The following PRELID2 variants were observed in gnomAD, a reference collection of about 807,000 sequenced individuals.
PRELID2 encodes the protein PRELI domain-containing protein 2.
Under a neutral mutation model 28.4 loss-of-function variants are expected in PRELID2, and 25 were observed. The observed-to-expected ratio is 0.88, with a 90% confidence interval of 0.64 to 1.23. The LOEUF (loss-of-function observed/expected upper bound fraction) is 1.23, where lower values mean the gene tolerates loss of function less well. Ranked by LOEUF, PRELID2 falls within the 50% of genes most tolerant of loss-of-function variation. The probability of loss-of-function intolerance (pLI) is 0.00; values close to 1 mark genes in which losing one functional copy is unlikely to be tolerated. For missense variants in PRELID2, 201 were observed against 214.4 expected, an observed-to-expected ratio of 0.94 and a Z score of 0.39; for synonymous variants, 76 against 71.6, an observed-to-expected ratio of 1.06 and a Z score of -0.31.
chr5:145,415,965 T>A, the PRELID2 span, among the ~76,000 whole-genome samples: 1 of 152,116 alleles, frequency 6.6e-6, no homozygotes, highest in Non-Finnish European at 1.5e-5. Flanking sequence ...TTTTTAATGA[T>A]TGCCATTCTA....
chr5:145,416,693 G>T, the PRELID2 span, among the ~76,000 whole-genome samples: 1 of 152,074 alleles, frequency 6.6e-6, no homozygotes, highest in Non-Finnish European at 1.5e-5. Flanking sequence ...ACAACAAAAA[G>T]CTAGAAAGAT....
At chr5:145,541,669 G>T (rs1374188603) in intron 1 of PRELID2, among the ~76,000 whole-genome samples, 1 of 152,006 alleles carries the variant, frequency 6.6e-6, no homozygotes, top group South Asian at 2.1e-4. Flanking sequence ...AAACTATAAA[G>T]GTAGTTTAAT....
At chr5:145,651,378 A>G (rs1393706649) in intron 1 of PRELID2, among the ~76,000 whole-genome samples, 3 of 152,120 alleles carry the variant, frequency 2.0e-5, no homozygotes, top group East Asian at 1.9e-4. Flanking sequence ...GCAGACTTCA[A>G]TGTCCTCGTC....
At chr5:145,576,377 T>G (rs1464259768) in intron 1 of PRELID2, among the ~76,000 whole-genome samples, 1 of 152,116 alleles carries the variant, frequency 6.6e-6, no homozygotes, top group African/African-American at 2.4e-5. Context: ...CAACATGCGG[T>G]CTTTTGTGTC....
chr5:145,773,834 A>G (rs1335481208), intron 5 of PRELID2, among the ~76,000 whole-genome samples: 1 of 152,250 alleles, frequency 6.6e-6, no homozygotes, highest in African/African-American at 2.4e-5. Flanking sequence ...ATGCTTGTAC[A>G]TTTTATCAAC....
At chr5:145,764,834 G>A in intron 6 of PRELID2, 97 bp downstream of exon 6, 1 of 805,768 alleles carries the variant, frequency 1.2e-6, no homozygotes, top group East Asian at 2.5e-5. Context: ...GAAATGTGCA[G>A]CGTGAATAGC....
the PRELID2 span, among the ~76,000 whole-genome samples, chr5:145,305,762 C>G: frequency 6.6e-6 from 1 of 152,126 alleles, no homozygotes; most frequent in African/African-American, 2.4e-5. Flanking sequence ...CTCTGTCACT[C>G]AGGATCTACC....
Position 145,764,074 on chromosome 5 carries a change from T to C in PRELID2, c.*10+857A>G, listed in dbSNP as rs548568903. ...CACCACTGCACTCCAGCCTGGGCAA[T>C]AGAGCAAGACTCCATCTCAAACAAA... On this transcript the variant is annotated intron_variant, in intron 6 of 6. Coordinates refer to ENST00000683046, the MANE Select transcript of PRELID2 (RefSeq NM_205846.3). Among the ~76,000 whole-genome samples, 293 of 152,128 alleles carry C rather than the reference T, an allele frequency of 1.9e-3. 2 individuals are homozygous for C. The highest frequency in any genetic ancestry group is 5.3e-3 in the African/African-American group (218 of 41,498).
At chr5:145,582,122 G>C (rs1753112405) in intron 1 of PRELID2, among the ~76,000 whole-genome samples, 1 of 151,884 alleles carries the variant, frequency 6.6e-6, no homozygotes, top group African/African-American at 2.4e-5. Flanking sequence ...ACAAAATCTT[G>C]GTCCAGATCC....
intron 5 of PRELID2, among the ~76,000 whole-genome samples, chr5:145,765,622 G>A (rs999054299): frequency 2.0e-4 from 30 of 152,158 alleles, no homozygotes; most frequent in African/African-American, 7.0e-4. Context: ...ACTCTGAGGA[G>A]CATCCAACCC....
At chr5:145,350,056 C>A in the PRELID2 span, among the ~76,000 whole-genome samples, 1 of 152,096 alleles carries the variant, frequency 6.6e-6, no homozygotes, top group Non-Finnish European at 1.5e-5. Context: ...AAGCTTTAGA[C>A]GTACATTGAA....
intron 5 of PRELID2, among the ~76,000 whole-genome samples, chr5:145,767,984 T>C (rs547423135): frequency 6.6e-6 from 1 of 152,178 alleles, no homozygotes; most frequent in East Asian, 1.9e-4. Context: ...CCCAGTACTT[T>C]GGGAGGCCGA....
the PRELID2 span, chr5:145,429,852 C>T: frequency 1.3e-5 from 2 of 152,212 alleles, no homozygotes; most frequent in African/African-American, 4.8e-5. Context: ...TGCTTCCATT[C>T]TGTCTCTTAG....
the PRELID2 span, among the ~76,000 whole-genome samples, chr5:145,410,042 C>CA: frequency 3.9e-5 from 6 of 151,980 alleles, no homozygotes; most frequent in Non-Finnish European, 8.8e-5. Context: ...ACAAAGTAAA[C>CA]AAAAATGTAA....
chr5:145,502,893 C>T (rs921775345), intron 1 of PRELID2, among the ~76,000 whole-genome samples: 1 of 149,916 alleles, frequency 6.7e-6, no homozygotes, highest in Non-Finnish European at 1.5e-5. Flanking sequence ...ATAAGGACTT[C>T]AAATAAATGA....
chr5:145,633,954 C>G (rs1364545507), intron 1 of PRELID2, among the ~76,000 whole-genome samples: 1 of 152,240 alleles, frequency 6.6e-6, no homozygotes, highest in African/African-American at 2.4e-5. Context: ...CCTCCTCCCA[C>G]TGGGAGAGCA....
intron 1 of PRELID2, among the ~76,000 whole-genome samples, chr5:145,705,363 G>T (rs572219361): frequency 0.055 from 8,254 of 151,144 alleles, 422 homozygotes; most frequent in African/African-American, 0.13. Flanking sequence ...GCTAATTTTT[G>T]TGGGTTTTTT....
chr5:145,678,065 T>A (rs913209258), intron 1 of PRELID2, among the ~76,000 whole-genome samples: 5 of 152,194 alleles, frequency 3.3e-5, no homozygotes, highest in African/African-American at 1.2e-4. Context: ...TTGAAACAAA[T>A]GGAATTCACT....
the PRELID2 span, among the ~76,000 whole-genome samples, chr5:145,413,226 A>G: frequency 1.3e-5 from 2 of 152,216 alleles, no homozygotes; most frequent in Admixed American, 6.5e-5. Context: ...ATAAAAAAAT[A>G]TGAAAAATGC....
Sources: gnomAD v4.1 joint callset for allele counts (sites outside exome capture counted in the v4.1 genomes callset) on GRCh38, gnomAD v4.1.1 for gene constraint, MANE v1.5 for transcripts, NCBI Gene and HGNC (gene_info 2026-07-23, HGNC 2026-07-21) for gene names.